Variants in PTPRG observed in about 807,000 individuals in gnomAD.
PTPRG encodes the protein protein tyrosine phosphatase receptor type G, also known as receptor-type tyrosine-protein phosphatase gamma.
Under a neutral mutation model 165.3 loss-of-function variants are expected in PTPRG, and 102 were observed. The observed-to-expected ratio is 0.62, with a 90% confidence interval of 0.53 to 0.73. PTPRG has a LOEUF of 0.73. PTPRG is among the 30% of genes least tolerant of loss of function. The probability of loss-of-function intolerance (pLI) is 0.00; values close to 1 mark genes in which losing one functional copy is unlikely to be tolerated. For synonymous variants in PTPRG, 675 were observed against 669.5 expected (o/e 1.01, Z -0.13); for missense variants, 1,866 against 1,861.4 (o/e 1.00, Z -0.05).
rs768668011 is a variant in PTPRG at position 62,293,938 on chromosome 3, T to C, written c.*631T>C. 6.6e-6 allele frequency: 1 copy of C among 152,546 alleles called. No homozygotes were observed. Among genetic ancestry groups the C allele is most frequent in the Non-Finnish European group, 1.5e-5 (1 of 68,000 alleles). 9.4% of individuals were successfully genotyped at this position (152,546 alleles called of 1,614,324 possible). A position where few individuals can be genotyped will look rare whatever the true frequency, so the allele number is the denominator to read the frequency against. ...GCTTAAGAACTGCTTCATGTGAACA[T>C]CCCTTATTAGTTACAAAGTTATATT... On this transcript the variant is annotated 3_prime_UTR_variant, in exon 30 of 30. Transcript: ENST00000474889.
At chr3:61,783,298 C>T (rs2034598117) in intron 2 of PTPRG, among the ~76,000 whole-genome samples, 1 of 152,130 alleles carries the variant, frequency 6.6e-6, no homozygotes, top group Non-Finnish European at 1.5e-5. Flanking sequence ...TGTGTTTGCA[C>T]CACTGCACTC....
At chr3:61,743,709 G>T (rs911723433) in intron 1 of PTPRG, among the ~76,000 whole-genome samples, 3 of 152,154 alleles carry the variant, frequency 2.0e-5, no homozygotes, top group Non-Finnish European at 4.4e-5. Flanking sequence ...AACCATAGTG[G>T]GCTTGGTGCT....
intron 2 of PTPRG, among the ~76,000 whole-genome samples, chr3:61,916,569 A>G (rs78814375): frequency 1.5e-3 from 230 of 152,352 alleles, no homozygotes; most frequent in African/African-American, 5.3e-3. Context: ...AATTTAGATT[A>G]AAAATGGAGT....
intron 4 of PTPRG, among the ~76,000 whole-genome samples, chr3:62,058,852 A>T (rs1700715359): frequency 6.6e-6 from 1 of 152,058 alleles, no homozygotes; most frequent in Admixed American, 6.6e-5. Context: ...GTTGAGCTCT[A>T]CTCCCAAGGG....
chr3:61,889,728 C>G (rs981798800), intron 2 of PTPRG, among the ~76,000 whole-genome samples: 3 of 152,226 alleles, frequency 2.0e-5, no homozygotes, highest in Admixed American at 6.5e-5. Flanking sequence ...GCATCACACT[C>G]TTCCCCAGAA....
At chr3:62,145,656 A>G (rs1349465433) in intron 6 of PTPRG, among the ~76,000 whole-genome samples, 1 of 152,220 alleles carries the variant, frequency 6.6e-6, no homozygotes, top group Non-Finnish European at 1.5e-5. Flanking sequence ...AAGAAGCAGC[A>G]GCCTCTCTGC....
At chr3:61,698,111 G>A (rs2030716475) in intron 1 of PTPRG, among the ~76,000 whole-genome samples, 1 of 152,004 alleles carries the variant, frequency 6.6e-6, no homozygotes, top group Non-Finnish European at 1.5e-5. Flanking sequence ...AGCTTCCCGT[G>A]TCACATAAAA....
At chr3:61,654,778 T>TTTTA (rs1702462483) in intron 1 of PTPRG, among the ~76,000 whole-genome samples, 1 of 51,756 alleles carries the variant, frequency 1.9e-5, no homozygotes, top group South Asian at 9.4e-4. Context: ...TACCTGTGCT[T>TTTTA]TTTCTTTTTT....
rs910196338 is a variant in PTPRG at position 62,219,998 on chromosome 3, A to G, written c.2288+1015A>G. Reference sequence around the variant, plus strand: ...CTAGCAGGAGTGTTCAGAGTGGTCAAGGAGATGATACCTGAGCAAAGACCT... The same window carrying G: ...CTAGCAGGAGTGTTCAGAGTGGTCAGGGAGATGATACCTGAGCAAAGACCT... On this transcript the variant is annotated intron_variant, in intron 13 of 29. Coordinates refer to ENST00000474889, the MANE Select transcript of PTPRG (RefSeq NM_002841.4). This position sits in a 1 kb window ranked among gnomAD's most constrained non-coding sequence, Gnocchi z 4.5. Among the ~76,000 whole-genome samples the G allele has an allele frequency of 3.9e-5, 6 of 152,240 alleles. No individual in the cohort carries two copies. Among genetic ancestry groups the G allele is most frequent in the Non-Finnish European group, 5.9e-5 (4 of 68,048 alleles).
chr3:62,284,671 C>T (rs1050969226), intron 28 of PTPRG, among the ~76,000 whole-genome samples: 8 of 152,062 alleles, frequency 5.3e-5, no homozygotes, highest in Non-Finnish European at 8.8e-5. Flanking sequence ...GCTACAAACA[C>T]GTCACATTCA....
intron 1 of PTPRG, among the ~76,000 whole-genome samples, chr3:61,609,396 G>A (rs561785431): frequency 4.9e-4 from 75 of 152,278 alleles, no homozygotes; most frequent in Non-Finnish European, 7.8e-4. Context: ...TTTTCTGGTG[G>A]AGTTTTCTGA....
At chr3:61,949,333 C>T (rs2039840769) in intron 2 of PTPRG, among the ~76,000 whole-genome samples, 1 of 152,006 alleles carries the variant, frequency 6.6e-6, no homozygotes, top group Non-Finnish European at 1.5e-5. Context: ...AAAAATGTAG[C>T]CTTTTATGTT....
At chr3:61,562,447 G>A (rs2106746721) in intron 1 of PTPRG, 75 bp downstream of exon 1, 1 of 1,447,248 alleles carries the variant, frequency 6.9e-7, no homozygotes, top group South Asian at 1.1e-5. Flanking sequence ...CCTGGGCGCG[G>A]AGCTCCGGCG....
At chr3:62,209,745 C>A (rs1700313698) in intron 12 of PTPRG, among the ~76,000 whole-genome samples, 2 of 152,182 alleles carry the variant, frequency 1.3e-5, no homozygotes, top group African/African-American at 4.8e-5. Flanking sequence ...TTAGTTTCTT[C>A]TCAGAAAGTA....
At chr3:62,042,785 A>C (rs972200702) in intron 4 of PTPRG, among the ~76,000 whole-genome samples, 3 of 152,122 alleles carry the variant, frequency 2.0e-5, no homozygotes, top group African/African-American at 7.2e-5. Context: ...TTTAGGCCCT[A>C]CGAATCCCTG....
intron 6 of PTPRG, among the ~76,000 whole-genome samples, chr3:62,139,277 C>G (rs1307699883): frequency 6.6e-6 from 1 of 152,060 alleles, no homozygotes; most frequent in African/African-American, 2.4e-5. Flanking sequence ...CCAGCCTGGT[C>G]AACATGTTGA....
chr3:61,574,199 G>C (rs1700126513), intron 1 of PTPRG, among the ~76,000 whole-genome samples: 1 of 152,176 alleles, frequency 6.6e-6, no homozygotes, highest in Admixed American at 6.5e-5. Context: ...AGCAGAGCTT[G>C]CCTCAGCTGA....
chr3:61,840,516 G>A (rs919581825), intron 2 of PTPRG, among the ~76,000 whole-genome samples: 1 of 151,914 alleles, frequency 6.6e-6, no homozygotes, highest in African/African-American at 2.4e-5. Flanking sequence ...GGATGATTTG[G>A]GTTTTATTAC....
chr3:61,732,469 C>G (rs1231231305), intron 1 of PTPRG, among the ~76,000 whole-genome samples: 3 of 151,762 alleles, frequency 2.0e-5, no homozygotes, highest in Non-Finnish European at 4.4e-5. Context: ...CCCAGCTACT[C>G]GGGAGGCTGA....
Sources: gnomAD v4.1 joint callset for allele counts (sites outside exome capture counted in the v4.1 genomes callset) on GRCh38, gnomAD v4.1.1 for gene constraint, Gnocchi (gnomAD v3.1) non-coding constraint, MANE v1.5 for transcripts, NCBI Gene and HGNC (gene_info 2026-07-23, HGNC 2026-07-21) for gene names.